The following CNTLN variants were observed in gnomAD, a reference collection of about 807,000 sequenced individuals.
CNTLN encodes centlein, centrosomal protein.
In CNTLN, 212 loss-of-function variants were observed where a neutral mutation model predicts 180.0. The ratio of observed to expected loss-of-function variants is 1.18; its 90% CI spans 1.05 to 1.32. The LOEUF is 1.32. Ranked by LOEUF, CNTLN falls within the 40% of genes most tolerant of loss-of-function variation. CNTLN has a pLI of 0.00. For synonymous variants in CNTLN, 722 were observed against 563.1 expected (o/e 1.28, Z -3.99); for missense variants, 2,095 against 1,610.9 (o/e 1.30, Z -5.14).
At chr9:17,362,973 G>C (rs1022440384) in intron 12 of CNTLN, among the ~76,000 whole-genome samples, 1 of 152,100 alleles carries the variant, frequency 6.6e-6, no homozygotes, top group Non-Finnish European at 1.5e-5. Flanking sequence ...CCACTTATGA[G>C]TGAGAAAATG....
chr9:17,490,514 C>T (rs72709716), intron 25 of CNTLN, among the ~76,000 whole-genome samples: 1,845 of 151,992 alleles, frequency 0.012, 12 homozygotes, highest in Non-Finnish European at 0.017. Flanking sequence ...CTTTATGATT[C>T]CATTCATACA....
chr9:17,389,038 A>T (rs2133671718), intron 14 of CNTLN, among the ~76,000 whole-genome samples: 1 of 152,152 alleles, frequency 6.6e-6, no homozygotes, highest in South Asian at 2.1e-4. Flanking sequence ...TAATACTTAG[A>T]TAAAGCTGAA....
At chr9:17,394,275 G>A (rs1441819526) in intron 14 of CNTLN, among the ~76,000 whole-genome samples, 1 of 152,236 alleles carries the variant, frequency 6.6e-6, no homozygotes, top group East Asian at 1.9e-4. Context: ...AGAAGACACT[G>A]CAGTTTATTA....
intron 1 of CNTLN, among the ~76,000 whole-genome samples, chr9:17,142,283 G>A (rs1212052480): frequency 6.6e-6 from 1 of 152,032 alleles, no homozygotes; most frequent in African/African-American, 2.4e-5. Context: ...ACTATTGTTA[G>A]TGTTAGTGTA....
intron 2 of CNTLN, among the ~76,000 whole-genome samples, chr9:17,155,511 T>C (rs1402817318): frequency 1.3e-5 from 2 of 152,218 alleles, no homozygotes; most frequent in African/African-American, 4.8e-5. Context: ...TTTGCTGAGC[T>C]GCAGTGGGCT....
chr9:17,399,515 T>G (rs1826802951), intron 15 of CNTLN, among the ~76,000 whole-genome samples: 1 of 152,216 alleles, frequency 6.6e-6, no homozygotes, highest in African/African-American at 2.4e-5. Flanking sequence ...GCTCTTTGAC[T>G]TTTCTTTTTC....
At chr9:17,502,362 C>A (rs1833794844) in intron 25 of CNTLN, among the ~76,000 whole-genome samples, 189 bp from the exon 26 acceptor site, 1 of 152,110 alleles carries the variant, frequency 6.6e-6, no homozygotes, top group South Asian at 2.1e-4. Flanking sequence ...GCTCTTTTGT[C>A]ATTTTTATTA....
intron 2 of CNTLN, among the ~76,000 whole-genome samples, chr9:17,187,950 A>G (rs998641658): frequency 3.3e-5 from 5 of 150,480 alleles, no homozygotes; most frequent in Non-Finnish European, 7.4e-5. Flanking sequence ...ATAAGGAATA[A>G]TTTAATATTT....
intron 8 of CNTLN, among the ~76,000 whole-genome samples, chr9:17,319,325 T>C (rs1819750862): frequency 6.6e-6 from 1 of 152,226 alleles, no homozygotes; most frequent in Non-Finnish European, 1.5e-5. Context: ...GGGCCTGAGA[T>C]TCTGCATTTC....
At chr9:17,206,359 T>C (rs905308476) in intron 2 of CNTLN, among the ~76,000 whole-genome samples, 1 of 152,226 alleles carries the variant, frequency 6.6e-6, no homozygotes, top group Non-Finnish European at 1.5e-5. Context: ...GGACTTATGT[T>C]ATCAGATGAA....
chr9:17,313,517 G>A (rs1819347152), intron 8 of CNTLN, among the ~76,000 whole-genome samples: 1 of 151,992 alleles, frequency 6.6e-6, no homozygotes, highest in South Asian at 2.1e-4. Context: ...TAAACGTAAT[G>A]TGTCAGTTTT....
intron 23 of CNTLN, among the ~76,000 whole-genome samples, chr9:17,479,626 T>C (rs28451773): frequency 0.024 from 3,731 of 152,288 alleles, 87 homozygotes; most frequent in South Asian, 0.11. Flanking sequence ...ATTGTACATA[T>C]AGTCAACAAT....
intron 25 of CNTLN, among the ~76,000 whole-genome samples, chr9:17,499,442 T>C (rs1029758773): frequency 6.6e-6 from 1 of 152,180 alleles, no homozygotes; most frequent in African/African-American, 2.4e-5. Flanking sequence ...CTAAGCAGAA[T>C]TGTTTTGTGT....
intron 12 of CNTLN, among the ~76,000 whole-genome samples, chr9:17,345,506 TAG>T (rs1205496867): frequency 6.6e-6 from 1 of 151,898 alleles, no homozygotes; most frequent in Non-Finnish European, 1.5e-5. Flanking sequence ...ATTTTTTCTG[TAG>T]AGTTTTTGAC....
intron 10 of CNTLN, among the ~76,000 whole-genome samples, chr9:17,336,291 T>C (rs1358083124): frequency 6.6e-6 from 1 of 152,200 alleles, no homozygotes; most frequent in Non-Finnish European, 1.5e-5. Flanking sequence ...GAAAAATATT[T>C]ATTTTAAGAT....
chr9:17,248,636 TAGA>T (rs1334237968), intron 5 of CNTLN, among the ~76,000 whole-genome samples: 1 of 149,564 alleles, frequency 6.7e-6, no homozygotes, highest in Non-Finnish European at 1.5e-5. Flanking sequence ...AAATCAATAA[TAGA>T]AGAAATGAAG....
intron 18 of CNTLN, among the ~76,000 whole-genome samples, chr9:17,425,007 T>C (rs1425874698): frequency 1.3e-5 from 2 of 152,232 alleles, no homozygotes; most frequent in Non-Finnish European, 2.9e-5. Context: ...TGTGGAGTTA[T>C]ACATGCTGTT....
chr9:17,416,098 C>G lies in CNTLN; in HGVS notation c.3023C>G (p.Ser1008Cys). The change falls in exon 18 of 26, where the codon TCT becomes TGT. Residue 1008 changes from serine to cysteine, a missense_variant. By Grantham distance (112) the Ser-to-Cys change is moderately radical (BLOSUM62 -1). Coordinates refer to ENST00000380647, the MANE Select transcript of CNTLN (RefSeq NM_017738.4). ...LQNAKKTAEL[S>C]VKEYKEVNEK... ...AATGCCAAGAAAACAGCAGAATTGT[C>G]TGTTAAAGAATATAAAGAAGTTAAT... 1 of 1,613,548 alleles carries G rather than the reference C, an allele frequency of 6.2e-7. No homozygotes were observed. The highest frequency in any genetic ancestry group is 1.1e-5 in the South Asian group (1 of 91,048).
chr9:17,523,388 C>A, the CNTLN span, among the ~76,000 whole-genome samples: 1 of 152,128 alleles, frequency 6.6e-6, no homozygotes, highest in East Asian at 1.9e-4. Context: ...AGGTGTCCAC[C>A]ACCACACCTG....
Sources: allele counts gnomAD v4.1 joint callset (sites outside exome capture counted in the v4.1 genomes callset), GRCh38; gene constraint gnomAD v4.1.1; transcripts MANE v1.5; gene names NCBI Gene and HGNC (gene_info 2026-07-23, HGNC 2026-07-21).